IGF1R: variants seen among roughly 807,000 people sequenced by gnomAD.
The protein encoded by IGF1R is insulin like growth factor 1 receptor, also known as insulin-like growth factor 1 receptor.
Under a neutral mutation model 144.6 loss-of-function variants are expected in IGF1R, and 44 were observed. That is an observed-to-expected ratio of 0.30 (90% CI 0.24 to 0.39). The LOEUF (loss-of-function observed/expected upper bound fraction) is 0.39. Among genes scored for constraint, IGF1R ranks in the 10% least tolerant of loss-of-function variants. IGF1R has a pLI of 1.00. For synonymous variants in IGF1R, 795 were observed against 722.8 expected (o/e 1.10, Z -1.60); for missense variants, 1,355 against 1,833.7 (o/e 0.74, Z 4.77).
chr15:98,739,977 C>T (rs985662825), intron 2 of IGF1R, among the ~76,000 whole-genome samples: 1 of 152,122 alleles, frequency 6.6e-6, no homozygotes, highest in Non-Finnish European at 1.5e-5. Flanking sequence ...TCTTAGTCTC[C>T]TCTCCAGTGT....
At chr15:98,893,323 C>T (rs975038876) in intron 3 of IGF1R, 7 of 152,176 alleles carry the variant, frequency 4.6e-5, no homozygotes, top group Admixed American at 4.6e-4. Flanking sequence ...CTTTCTCCCT[C>T]TTATAATCTG....
chr15:98,936,692 A>G (rs1036501370), intron 17 of IGF1R, among the ~76,000 whole-genome samples: 1 of 151,852 alleles, frequency 6.6e-6, no homozygotes, highest in Non-Finnish European at 1.5e-5. Flanking sequence ...TTTAGTTCCA[A>G]ACACCTGTTC....
intron 2 of IGF1R, among the ~76,000 whole-genome samples, chr15:98,789,337 G>C (rs967813325): frequency 6.6e-6 from 1 of 152,114 alleles, no homozygotes; most frequent in Admixed American, 6.5e-5. Context: ...AGGTCGGCTG[G>C]CTAGCCTTTT....
At chr15:98,699,677 C>T (rs754032487) in intron 1 of IGF1R, among the ~76,000 whole-genome samples, 38 of 152,102 alleles carry the variant, frequency 2.5e-4, no homozygotes, top group Admixed American at 1.4e-3. Flanking sequence ...TCTTAAGTGG[C>T]GTGGCAGGAT....
chr15:98,702,812 C>T (rs1008442558), intron 1 of IGF1R, among the ~76,000 whole-genome samples: 2 of 151,936 alleles, frequency 1.3e-5, no homozygotes, highest in Non-Finnish European at 2.9e-5. Flanking sequence ...ATGGTGTACC[C>T]CTGTGGTCCC....
In IGF1R at chr15:98,858,733, C is replaced by T. The variant is rs118124798; in HGVS notation, c.641-32592C>T. Among the ~76,000 whole-genome samples, 135 of 152,310 alleles carry T rather than the reference C, an allele frequency of 8.9e-4. 1 individual carries two copies. The East Asian group carries it at 9.6e-3, about 11-fold the overall frequency. On this transcript the variant is annotated intron_variant, in intron 2 of 20. Coordinates refer to ENST00000650285, the MANE Select transcript of IGF1R (RefSeq NM_000875.5). ...AGCGCAGCAAACCAGCACAGCACTC[C>T]GTGGCCAGGGTTTGCGGGGAGAAAT...
In IGF1R at chr15:98,956,944, T is replaced by C. The variant is rs28508434; in HGVS notation, c.3723-117T>C. ...GGGATGGAGAGGGGCAGCAGGGCTG[T>C]GTTCAGTGCTCCCGCCGTACGCTTG... On this transcript the variant is annotated intron_variant, in intron 20 of 20. Transcript: ENST00000650285. The C allele has an allele frequency of 3.4e-3, 3,933 of 1,150,454 alleles. 75 individuals are homozygous for C. In the African/African-American group the frequency reaches 0.045, roughly 13 times the overall value. The allele number at this position is 1,150,454 out of a possible 1,614,324, so 71.3% of individuals were successfully genotyped here. A position where few individuals can be genotyped will look rare whatever the true frequency, so the allele number is the denominator to read the frequency against.
rs113328602 is a variant in IGF1R at position 98,803,159 on chromosome 15, G to A, written c.641-88166G>A. On this transcript the variant is annotated intron_variant, in intron 2 of 20. Coordinates refer to ENST00000650285, the MANE Select transcript of IGF1R (RefSeq NM_000875.5). ...TATCATTATGCCAGCATCATACAGC[G>A]TACTTTCACAAACTTAGTTGATACA... 2.3e-4 allele frequency among the ~76,000 whole-genome samples: 35 copies of A among 152,296 alleles called. 1 individual carries two copies. Among genetic ancestry groups the A allele is most frequent in the African/African-American group, 7.2e-4 (30 of 41,548 alleles).
intron 1 of IGF1R, among the ~76,000 whole-genome samples, chr15:98,650,096 C>T (rs2052315269): frequency 1.3e-5 from 2 of 152,108 alleles, no homozygotes; most frequent in South Asian, 2.1e-4. Flanking sequence ...CAGGCAGCAG[C>T]GACAGCACCC....
Position 98,847,574 on chromosome 15 carries a change from G to A in IGF1R, c.641-43751G>A, listed in dbSNP as rs191650531. On this transcript the variant is annotated intron_variant, in intron 2 of 20. Coordinates refer to ENST00000650285, the MANE Select transcript of IGF1R (RefSeq NM_000875.5). Reference sequence around the variant, plus strand: ...ATCCAGACCAACGATGAAGAGTCCAGCATGCAGGAAATGCTCGTTTATAAC... The same window carrying A: ...ATCCAGACCAACGATGAAGAGTCCAACATGCAGGAAATGCTCGTTTATAAC... Among the ~76,000 whole-genome samples the A allele has an allele frequency of 6.2e-4, 95 of 152,282 alleles. 1 individual carries two copies. Among genetic ancestry groups the A allele is most frequent in the Non-Finnish European group, 1.2e-3 (80 of 68,028 alleles).
chr15:98,843,711 G>A (rs934561636), intron 2 of IGF1R, among the ~76,000 whole-genome samples: 11 of 152,090 alleles, frequency 7.2e-5, no homozygotes, highest in African/African-American at 2.7e-4. Flanking sequence ...TGAGCAATAC[G>A]GAAGAAATTC....
chr15:98,924,476 A>G lies in IGF1R; in HGVS notation c.2623-49A>G, dbSNP rs1444826578. Reference sequence around the variant, plus strand: ...GGTGAGTTTAGTTGGCAGGCCCCAGATTTCTCCTGCATTCATGGGAAATTG... The same window carrying G: ...GGTGAGTTTAGTTGGCAGGCCCCAGGTTTCTCCTGCATTCATGGGAAATTG... On this transcript the variant is annotated intron_variant, in intron 12 of 20. Coordinates refer to ENST00000650285, the MANE Select transcript of IGF1R (RefSeq NM_000875.5). 2.5e-6 allele frequency: 4 copies of G among 1,598,046 alleles called. No homozygotes were observed. In the East Asian group the frequency reaches 6.7e-5, roughly 27 times the overall value.
At chr15:98,677,382 G>A (rs1401583135) in intron 1 of IGF1R, among the ~76,000 whole-genome samples, 2 of 152,018 alleles carry the variant, frequency 1.3e-5, no homozygotes, top group Admixed American at 6.5e-5. Context: ...TTTTTGTGCC[G>A]AGAATCATTG....
At chr15:98,769,991 G>A (rs764832921) in intron 2 of IGF1R, among the ~76,000 whole-genome samples, 7 of 151,978 alleles carry the variant, frequency 4.6e-5, no homozygotes, top group African/African-American at 1.2e-4. Context: ...TGTGGTCTTC[G>A]GTTGCTTCCT....
At chr15:98,793,330 A>G (rs947364180) in intron 2 of IGF1R, among the ~76,000 whole-genome samples, 7 of 152,258 alleles carry the variant, frequency 4.6e-5, no homozygotes, top group African/African-American at 1.7e-4. Flanking sequence ...CCATTTTAAA[A>G]GCATCTTTGA....
At chr15:98,713,962 C>G (rs181618072) in intron 2 of IGF1R, among the ~76,000 whole-genome samples, 1 of 152,282 alleles carries the variant, frequency 6.6e-6, no homozygotes, top group East Asian at 1.9e-4. Flanking sequence ...GCTGGTGGGG[C>G]AGCCTTATTT....
chr15:98,650,545 C>T (rs1030738464), intron 1 of IGF1R, among the ~76,000 whole-genome samples: 1 of 152,224 alleles, frequency 6.6e-6, no homozygotes, highest in Non-Finnish European at 1.5e-5. Context: ...GGGCCGCATC[C>T]GAGTGTGCGT....
chr15:98,942,683 A>G (rs2016410576), intron 18 of IGF1R, among the ~76,000 whole-genome samples: 1 of 152,182 alleles, frequency 6.6e-6, no homozygotes, highest in Non-Finnish European at 1.5e-5. Flanking sequence ...TTCCTAAGGG[A>G]ATCAAATTGT....
At chr15:98,773,497 T>C (rs138261267) in intron 2 of IGF1R, among the ~76,000 whole-genome samples, 128 of 152,286 alleles carry the variant, frequency 8.4e-4, no homozygotes, top group African/African-American at 2.8e-3. Flanking sequence ...ACACGGAGCA[T>C]TACTTGAGCC....
Sources: gnomAD v4.1 joint callset for allele counts (sites outside exome capture counted in the v4.1 genomes callset) on GRCh38, gnomAD v4.1.1 for gene constraint, MANE v1.5 for transcripts, NCBI Gene and HGNC (gene_info 2026-07-23, HGNC 2026-07-21) for gene names.